DNAJB12: variants seen among roughly 807,000 people sequenced by gnomAD.
DNAJB12 encodes DnaJ heat shock protein family (Hsp40) member B12.
DNAJB12 carries 14 observed loss-of-function variants against 40.6 expected under a neutral mutation model. The ratio of observed to expected loss-of-function variants is 0.34; its 90% confidence interval spans 0.23 to 0.54. The LOEUF is 0.54. DNAJB12 is among the 20% of genes least tolerant of loss of function. DNAJB12 has a pLI of 0.92. For missense variants in DNAJB12, 444 were observed against 501.7 expected (o/e 0.89, Z 1.10); for synonymous variants, 181 against 199.5 (o/e 0.91, Z 0.78).
chr10:72,342,996 GA>G (rs1415741013), intron 3 of DNAJB12, among the ~76,000 whole-genome samples: 1 of 152,224 alleles, frequency 6.6e-6, no homozygotes, highest in Non-Finnish European at 1.5e-5. Flanking sequence ...CCTCAGCAGG[GA>G]AACAGTTACC....
At position 72,341,168 on chromosome 10, in the gene DNAJB12, T is replaced by C. The variant is rs1426058637; in HGVS notation, c.460A>G (p.Ile154Val). 6.2e-7 allele frequency: 1 copy of C among 1,601,890 alleles called. No individual in the cohort carries two copies. The highest frequency in any genetic ancestry group is 8.5e-7 in the Non-Finnish European group (1 of 1,170,028). Residue 154 changes from isoleucine (I) to valine (V), a missense_variant and splice_region_variant, in exon 4 of 9, where the codon ATT becomes GTT. By Grantham distance (29) the Ile-to-Val change is conservative (BLOSUM62 3). Coordinates refer to ENST00000444643, the MANE Select transcript of DNAJB12 (RefSeq NM_017626.7). ...CTGAGTACCGCATATGCTGTGCCAA[T>C]GGCTGGAGAGGAGGAGGAAAGGTCA... ...APGATEAFKAIGTAYAVLSNP... is the reference protein window; with the variant it reads ...APGATEAFKAVGTAYAVLSNP...
chr10:72,343,321 A>G (rs758586513), intron 3 of DNAJB12, 45 bp downstream of exon 3: 1 of 1,591,092 alleles, frequency 6.3e-7, no homozygotes, highest in Non-Finnish European at 8.6e-7. Context: ...TGCCATGGAC[A>G]GGAGATGAAC....
At position 72,335,235 on chromosome 10, in the gene DNAJB12, C is replaced by G. The variant is rs1861437017; in HGVS notation, c.*30+545G>C. The G allele has an allele frequency of 1.0e-6, 1 of 986,736 alleles. No homozygotes were observed. Among genetic ancestry groups the G allele is most frequent in the South Asian group, 4.6e-5 (1 of 21,536 alleles). The allele number at this position is 986,736 out of a possible 1,614,324, so 61.1% of individuals were successfully genotyped here. ...GCCACCAAGACTGCCAGCTCCCACC[C>G]ACCTCGTGGCTGCCTGTTCATCTTG... On this transcript the variant is annotated intron_variant, in intron 8 of 8. Coordinates refer to ENST00000444643, the MANE Select transcript of DNAJB12 (RefSeq NM_017626.7). This position sits in a 1 kb window ranked among gnomAD's most constrained non-coding sequence, Gnocchi z 4.4.
intron 1 of DNAJB12, among the ~76,000 whole-genome samples, chr10:72,350,398 C>CAAA (rs35316232): frequency 1.1e-3 from 30 of 27,800 alleles, no homozygotes; most frequent in African/African-American, 1.7e-3. Context: ...GACCCTGTCT[C>CAAA]AAAAAAAAAA....
At chr10:72,341,645 T>G (rs1459817357) in intron 3 of DNAJB12, among the ~76,000 whole-genome samples, 2 of 152,142 alleles carry the variant, frequency 1.3e-5, no homozygotes, top group Non-Finnish European at 1.5e-5. Flanking sequence ...TAATTTTTTG[T>G]ATTTTTTGTA....
Position 72,338,365 on chromosome 10 carries a change from G to T in DNAJB12, c.724-54C>A, listed in dbSNP as rs1861536890. ...TGGACCTGGGTGGGGTGTGGTGTCA[G>T]CCATAATCACCACTAGCTCCCCTAG... On this transcript the variant is annotated intron_variant, in intron 5 of 8. Transcript: ENST00000444643. 4 of 1,480,768 alleles carry T rather than the reference G, an allele frequency of 2.7e-6. No homozygotes were observed. The Admixed American group carries it at 6.9e-5, about 25-fold the overall frequency. 91.7% of individuals were successfully genotyped at this position (1,480,768 alleles called of 1,614,324 possible). A position where few individuals can be genotyped will look rare whatever the true frequency, so the allele number is the denominator to read the frequency against.
chr10:72,334,718 C>T (rs1861418847), intron 8 of DNAJB12, 101 bp from the exon 9 acceptor site: 1 of 1,420,420 alleles, frequency 7.0e-7, no homozygotes, highest in Non-Finnish European at 9.1e-7. Flanking sequence ...CACCGCTGCA[C>T]CGTGCTGCCC....
intron 5 of DNAJB12, among the ~76,000 whole-genome samples, chr10:72,339,274 G>A (rs984412774): frequency 3.3e-5 from 5 of 150,190 alleles, no homozygotes; most frequent in Admixed American, 1.3e-4. Context: ...GGTGGCTCAC[G>A]CCTGTAATCC....
intron 5 of DNAJB12, among the ~76,000 whole-genome samples, chr10:72,339,229 A>C (rs186074274): frequency 0.017 from 1,837 of 106,822 alleles, 19 homozygotes; most frequent in Middle Eastern, 0.027. Flanking sequence ...ACAGAACGAG[A>C]CCCTGTCTCA....
At chr10:72,345,263 T>C in intron 1 of DNAJB12, 136 bp from the exon 2 acceptor site, 1 of 993,924 alleles carries the variant, frequency 1.0e-6, no homozygotes, top group South Asian at 1.6e-5. Context: ...CTGTGGGTGC[T>C]GGGGGGACAG....
chr10:72,349,588 G>C (rs1464179649), intron 1 of DNAJB12, among the ~76,000 whole-genome samples: 3 of 152,194 alleles, frequency 2.0e-5, no homozygotes, highest in Non-Finnish European at 4.4e-5. Flanking sequence ...AGTTCCTCTG[G>C]AAGTTCTGGT....
At chr10:72,337,485 G>A (rs776594168) in intron 6 of DNAJB12, among the ~76,000 whole-genome samples, 128 of 152,338 alleles carry the variant, frequency 8.4e-4, no homozygotes, top group Admixed American at 1.4e-3. Context: ...ACCCCCTAAC[G>A]GCTCATGAAA....
chr10:72,342,237 G>A (rs557083214), intron 3 of DNAJB12, among the ~76,000 whole-genome samples: 18 of 152,282 alleles, frequency 1.2e-4, no homozygotes, highest in East Asian at 3.9e-4. Flanking sequence ...CCCCCTAGCC[G>A]GGACGGCTGT....
At chr10:72,341,711 A>ATCC (rs1384704568) in intron 3 of DNAJB12, among the ~76,000 whole-genome samples, 11 of 152,092 alleles carry the variant, frequency 7.2e-5, no homozygotes, top group Non-Finnish European at 8.8e-5. Context: ...GGCTCAAGGG[A>ATCC]TCCTCCCACC....
intron 3 of DNAJB12, among the ~76,000 whole-genome samples, chr10:72,342,313 T>G (rs1861660553): frequency 6.6e-6 from 1 of 152,172 alleles, no homozygotes; most frequent in Non-Finnish European, 1.5e-5. Flanking sequence ...TGCCACTGAC[T>G]CCGAGGAGTG....
At chr10:72,338,406 G>T in intron 5 of DNAJB12, 95 bp from the exon 6 acceptor site, 1 of 1,017,812 alleles carries the variant, frequency 9.8e-7, no homozygotes, top group East Asian at 2.6e-5. Context: ...TGGAGCCTGG[G>T]GAGACATGAC....
chr10:72,337,981 AAAAGTTCTGTAGCTCTCG>A (rs1279153788), intron 6 of DNAJB12, among the ~76,000 whole-genome samples: 2 of 152,166 alleles, frequency 1.3e-5, no homozygotes, highest in African/African-American at 4.8e-5. Context: ...AGTTTTAGGG[AAAAGTTCTGTAGCTCTCG>A]CTGCAATTTC....
intron 1 of DNAJB12, among the ~76,000 whole-genome samples, chr10:72,345,452 A>T (rs1861759229): frequency 6.6e-6 from 1 of 151,788 alleles, no homozygotes; most frequent in Non-Finnish European, 1.5e-5. Flanking sequence ...AAATTAAAAA[A>T]TTAGCCAGAT....
In DNAJB12 at chr10:72,345,058, T is replaced by G. The variant is rs776533149; in HGVS notation, c.203A>C (p.His68Pro). ...CCCACCTGCTTTCCTGTGGGTGGCA[T>G]GGGTTGTGTCTGTGGGTGGGGGTTG... ...GDQPPPTDTT[H>P]ATHRKAGGTD... Residue 68 changes from histidine to proline, a missense_variant, in exon 2 of 9, where the codon CAT becomes CCT. Coordinates refer to ENST00000444643, the MANE Select transcript of DNAJB12 (RefSeq NM_017626.7). The G allele has an allele frequency of 2.5e-6, 4 of 1,614,082 alleles. No individual in the cohort carries two copies. The African/African-American group carries it at 5.3e-5, about 22-fold the overall frequency.
Sources: allele counts gnomAD v4.1 joint callset (sites outside exome capture counted in the v4.1 genomes callset), GRCh38; gene constraint gnomAD v4.1.1; non-coding constraint Gnocchi (gnomAD v3.1); transcripts MANE v1.5; gene names NCBI Gene and HGNC (gene_info 2026-07-23, HGNC 2026-07-21).